PLPPR1: variants seen among roughly 807,000 people sequenced by gnomAD.
PLPPR1 encodes phospholipid phosphatase related 1, also known as phospholipid phosphatase-related protein type 1.
Under a neutral mutation model 33.1 loss-of-function variants are expected in PLPPR1, and 10 were observed. The observed-to-expected ratio is 0.30, with a 90% CI of 0.19 to 0.51. PLPPR1 has a LOEUF of 0.51. Ranked by LOEUF, PLPPR1 falls within the 20% of genes least tolerant of loss-of-function variation. The pLI is 0.97. For synonymous variants in PLPPR1, 151 were observed against 151.0 expected, an observed-to-expected ratio of 1.00 and a Z score of 0.00; for missense variants, 304 against 408.1, an observed-to-expected ratio of 0.74 and a Z score of 2.20.
chr9:101,164,269 T>A (rs1825816493), intron 1 of PLPPR1, among the ~76,000 whole-genome samples: 1 of 152,336 alleles, frequency 6.6e-6, no homozygotes, highest in Non-Finnish European at 1.5e-5. Context: ...GTTTCTCATC[T>A]ATAAAATGCA....
intron 4 of PLPPR1, among the ~76,000 whole-genome samples, chr9:101,299,613 T>C (rs919741483): frequency 6.6e-6 from 1 of 152,098 alleles, no homozygotes; most frequent in South Asian, 2.1e-4. Context: ...CATATGAGAC[T>C]AGTGATTCTT....
chr9:101,207,311 A>G (rs1313507263), intron 2 of PLPPR1, among the ~76,000 whole-genome samples: 1 of 152,244 alleles, frequency 6.6e-6, no homozygotes, highest in Non-Finnish European at 1.5e-5. Flanking sequence ...TAGAAGCATT[A>G]GACCAGATTA....
intron 2 of PLPPR1, among the ~76,000 whole-genome samples, chr9:101,217,155 G>A (rs1053769455): frequency 1.3e-5 from 2 of 151,726 alleles, no homozygotes; most frequent in Admixed American, 6.6e-5. Context: ...AACCAGAAGA[G>A]AATAGATTCA....
At chr9:101,194,311 A>G (rs995740301) in intron 2 of PLPPR1, among the ~76,000 whole-genome samples, 2 of 152,230 alleles carry the variant, frequency 1.3e-5, no homozygotes, top group African/African-American at 4.8e-5. Context: ...TAACTGATAT[A>G]GTTGAAGCTC....
intron 1 of PLPPR1, among the ~76,000 whole-genome samples, chr9:101,031,851 G>A (rs1829949253): frequency 6.6e-6 from 1 of 152,208 alleles, no homozygotes; most frequent in South Asian, 2.1e-4. Flanking sequence ...GCCATCTCAT[G>A]TGGTTAGAGC....
intron 2 of PLPPR1, among the ~76,000 whole-genome samples, chr9:101,258,298 C>T (rs759662272): frequency 7.9e-5 from 12 of 152,138 alleles, no homozygotes; most frequent in Non-Finnish European, 1.3e-4. Context: ...TCTTTCTCAG[C>T]CACTCATCTA....
intron 3 of PLPPR1, among the ~76,000 whole-genome samples, chr9:101,282,616 A>G (rs2118911276): frequency 6.6e-6 from 1 of 152,326 alleles, no homozygotes; most frequent in Non-Finnish European, 1.5e-5. Flanking sequence ...AAAAACATTA[A>G]ATTTTCCTTG....
At chr9:101,158,973 T>C (rs1831737565) in intron 1 of PLPPR1, among the ~76,000 whole-genome samples, 1 of 152,224 alleles carries the variant, frequency 6.6e-6, no homozygotes, top group Admixed American at 6.5e-5. Context: ...TTTCATGTAA[T>C]AATTTTGTGT....
At chr9:101,029,716 C>T (rs183024400) in intron 1 of PLPPR1, among the ~76,000 whole-genome samples, 11 of 152,256 alleles carry the variant, frequency 7.2e-5, no homozygotes, top group Admixed American at 1.3e-4. Flanking sequence ...GGGTGAGGCT[C>T]GGGTCAGTGC....
At chr9:101,127,540 C>A (rs1588039027) in intron 1 of PLPPR1, among the ~76,000 whole-genome samples, 1 of 152,182 alleles carries the variant, frequency 6.6e-6, no homozygotes, top group Non-Finnish European at 1.5e-5. Flanking sequence ...ATTAGCTCTG[C>A]TACTTGAGAT....
chr9:101,090,906 A>G (rs1222204366), intron 1 of PLPPR1, among the ~76,000 whole-genome samples: 4 of 148,270 alleles, frequency 2.7e-5, no homozygotes, highest in Non-Finnish European at 6.0e-5. Context: ...TCTAAATTCC[A>G]CTGTTCTTCA....
intron 1 of PLPPR1, among the ~76,000 whole-genome samples, chr9:101,124,332 C>T (rs1406284014): frequency 1.3e-5 from 2 of 152,158 alleles, no homozygotes; most frequent in Admixed American, 6.5e-5. Flanking sequence ...GATACTCCTG[C>T]CTAACTGTTC....
At chr9:101,242,391 C>T (rs143673775) in intron 2 of PLPPR1, among the ~76,000 whole-genome samples, 1 of 151,938 alleles carries the variant, frequency 6.6e-6, no homozygotes, top group Admixed American at 6.6e-5. Context: ...TCTTTGCTGT[C>T]AACTTTGATC....
intron 3 of PLPPR1, among the ~76,000 whole-genome samples, chr9:101,279,863 A>G (rs989875078): frequency 1.3e-5 from 2 of 152,180 alleles, no homozygotes; most frequent in Non-Finnish European, 2.9e-5. Context: ...AAAAGGTAGA[A>G]AAACATCAAA....
At chr9:101,311,745 T>G (rs1181990445) in intron 5 of PLPPR1, among the ~76,000 whole-genome samples, 1 of 152,234 alleles carries the variant, frequency 6.6e-6, no homozygotes, top group Non-Finnish European at 1.5e-5. Context: ...TACTGTAAAA[T>G]GCGTCTATTT....
chr9:101,049,961 CT>C (rs1204657859), intron 1 of PLPPR1, among the ~76,000 whole-genome samples: 1 of 151,480 alleles, frequency 6.6e-6, no homozygotes, highest in East Asian at 1.9e-4. Context: ...CCTGTCTCTA[CT>C]AAAAATGCAA....
chr9:101,046,342 C>T (rs571326923), intron 1 of PLPPR1, among the ~76,000 whole-genome samples: 8 of 152,034 alleles, frequency 5.3e-5, no homozygotes, highest in African/African-American at 1.9e-4. Context: ...GTTCATACTT[C>T]CCCTCCACCC....
intron 1 of PLPPR1, among the ~76,000 whole-genome samples, chr9:101,078,849 A>G (rs986362361): frequency 1.3e-5 from 2 of 152,136 alleles, no homozygotes; most frequent in East Asian, 3.9e-4. Flanking sequence ...TCATACAGAA[A>G]AACTCAGCCC....
intron 1 of PLPPR1, among the ~76,000 whole-genome samples, chr9:101,037,277 T>A (rs1445893195): frequency 6.6e-6 from 1 of 152,144 alleles, no homozygotes; most frequent in Non-Finnish European, 1.5e-5. Flanking sequence ...TAGTCCATAT[T>A]GTATATTGCC....
Sources: allele counts gnomAD v4.1 joint callset (sites outside exome capture counted in the v4.1 genomes callset), GRCh38; gene constraint gnomAD v4.1.1; transcripts MANE v1.5; gene names NCBI Gene and HGNC (gene_info 2026-07-23, HGNC 2026-07-21).